The following DPP10 variants were observed in gnomAD, a reference collection of about 807,000 sequenced individuals.
DPP10 encodes dipeptidyl peptidase like 10.
Under a neutral mutation model 120.9 loss-of-function variants are expected in DPP10, and 33 were observed. That is an observed-to-expected ratio of 0.27 (90% CI 0.21 to 0.37). The LOEUF (loss-of-function observed/expected upper bound fraction) is 0.37, where lower values mean the gene tolerates loss of function less well. DPP10 is among the 10% of genes least tolerant of loss of function. DPP10 has a pLI of 1.00. For synonymous variants in DPP10, 337 were observed against 326.1 expected, an observed-to-expected ratio of 1.03 and a Z score of -0.36; for missense variants, 816 against 942.8, an observed-to-expected ratio of 0.87 and a Z score of 1.76.
At chr2:115,016,756 A>G (rs1187987718) in intron 1 of DPP10, among the ~76,000 whole-genome samples, 4 of 151,674 alleles carry the variant, frequency 2.6e-5, no homozygotes, top group African/African-American at 4.8e-5. Flanking sequence ...GAAAAAATGC[A>G]TGTATGTTTA....
chr2:114,773,260 G>A (rs1681431124), intron 1 of DPP10, among the ~76,000 whole-genome samples: 1 of 152,130 alleles, frequency 6.6e-6, no homozygotes, highest in Non-Finnish European at 1.5e-5. Flanking sequence ...TTCGAGGAGT[G>A]ATATGCTTTT....
At chr2:115,366,540 T>C (rs1244302970) in intron 3 of DPP10, among the ~76,000 whole-genome samples, 1 of 152,142 alleles carries the variant, frequency 6.6e-6, no homozygotes, top group Non-Finnish European at 1.5e-5. Flanking sequence ...TAGAAAAATA[T>C]CTAGTCTTCC....
intron 5 of DPP10, among the ~76,000 whole-genome samples, chr2:115,678,641 A>T (rs1279692012): frequency 6.6e-6 from 1 of 152,216 alleles, no homozygotes; most frequent in Non-Finnish European, 1.5e-5. Flanking sequence ...CAGAGTCCCC[A>T]CTAGGGCATT....
chr2:114,986,514 T>A (rs894385952), intron 1 of DPP10, among the ~76,000 whole-genome samples: 5 of 152,182 alleles, frequency 3.3e-5, no homozygotes, highest in African/African-American at 1.2e-4. Context: ...AGTGTAAGAA[T>A]CTTTGCAAAT....
At chr2:115,610,227 C>G (rs951036550) in intron 5 of DPP10, among the ~76,000 whole-genome samples, 1 of 151,966 alleles carries the variant, frequency 6.6e-6, no homozygotes, top group Non-Finnish European at 1.5e-5. Flanking sequence ...GTTCCCCTCA[C>G]CCCCCCATGG....
At chr2:115,164,503 G>A (rs2104998591) in intron 1 of DPP10, among the ~76,000 whole-genome samples, 1 of 152,110 alleles carries the variant, frequency 6.6e-6, no homozygotes, top group African/African-American at 2.4e-5. Context: ...TTTACCTAGT[G>A]GTTAAATAGG....
At chr2:115,757,516 T>A (rs1191741206) in intron 11 of DPP10, among the ~76,000 whole-genome samples, 2 of 152,030 alleles carry the variant, frequency 1.3e-5, no homozygotes, top group Non-Finnish European at 2.9e-5. Flanking sequence ...TTCACTATCA[T>A]GAGAACAGCA....
chr2:115,213,560 C>T (rs925808062), intron 1 of DPP10, among the ~76,000 whole-genome samples: 16 of 152,024 alleles, frequency 1.1e-4, no homozygotes, highest in African/African-American at 3.6e-4. Flanking sequence ...TTTATTTGTT[C>T]CTCTGACACT....
intron 1 of DPP10, among the ~76,000 whole-genome samples, chr2:115,068,381 C>T (rs895973684): frequency 1.3e-5 from 2 of 151,634 alleles, no homozygotes; most frequent in Admixed American, 1.3e-4. Context: ...CTTTTGAGAA[C>T]TGTCTCTTCC....
intron 1 of DPP10, among the ~76,000 whole-genome samples, chr2:114,506,058 G>T (rs185366233): frequency 6.6e-6 from 1 of 152,344 alleles, no homozygotes; most frequent in East Asian, 1.9e-4. Context: ...GGCAGAAGAA[G>T]GCAGGTCCCC....
At chr2:115,658,711 A>G (rs1377674579) in intron 5 of DPP10, among the ~76,000 whole-genome samples, 1 of 152,154 alleles carries the variant, frequency 6.6e-6, no homozygotes, top group East Asian at 1.9e-4. Context: ...TTAAACAAAT[A>G]AAAATGTCTT....
chr2:115,096,378 C>T (rs563743769), intron 1 of DPP10, among the ~76,000 whole-genome samples: 7 of 152,012 alleles, frequency 4.6e-5, no homozygotes, highest in South Asian at 2.1e-4. Flanking sequence ...CGTTGATATG[C>T]GTTCAAGCAA....
intron 5 of DPP10, among the ~76,000 whole-genome samples, chr2:115,619,365 G>A (rs1193164441): frequency 5.9e-5 from 9 of 151,888 alleles, no homozygotes; most frequent in Admixed American, 4.6e-4. Context: ...GTGAGCCATC[G>A]TGCCTGGCCC....
chr2:115,298,308 A>G (rs1454009180), intron 1 of DPP10, among the ~76,000 whole-genome samples: 2 of 152,100 alleles, frequency 1.3e-5, no homozygotes, highest in Non-Finnish European at 2.9e-5. Flanking sequence ...AATGGATTAG[A>G]TCAACCGTGT....
At chr2:115,329,771 C>T (rs1027346131) in intron 2 of DPP10, among the ~76,000 whole-genome samples, 1 of 151,988 alleles carries the variant, frequency 6.6e-6, no homozygotes, top group East Asian at 1.9e-4. Flanking sequence ...TGAACTCATC[C>T]TTTTTTATGG....
At chr2:114,585,062 C>A (rs766898937) in intron 1 of DPP10, among the ~76,000 whole-genome samples, 9 of 152,112 alleles carry the variant, frequency 5.9e-5, no homozygotes, top group Non-Finnish European at 1.2e-4. Context: ...AAACAATGAG[C>A]GTTTATTAGT....
chr2:114,896,489 T>C (rs1387646838), intron 1 of DPP10, among the ~76,000 whole-genome samples: 2 of 152,138 alleles, frequency 1.3e-5, no homozygotes, highest in Non-Finnish European at 2.9e-5. Flanking sequence ...TTTATTCTCT[T>C]TGAAGCAATT....
intron 3 of DPP10, among the ~76,000 whole-genome samples, chr2:115,473,901 AG>A (rs1349728240): frequency 4.6e-5 from 7 of 152,166 alleles, no homozygotes; most frequent in Non-Finnish European, 8.8e-5. Context: ...TGTGGACGAA[AG>A]AGAGAAAGCA....
chr2:115,449,387 G>C (rs2072913892), intron 3 of DPP10, among the ~76,000 whole-genome samples: 1 of 152,040 alleles, frequency 6.6e-6, no homozygotes, highest in Non-Finnish European at 1.5e-5. Context: ...AAAATGAGGA[G>C]TCTAGAGTCT....
Sources: gnomAD v4.1 joint callset for allele counts (sites outside exome capture counted in the v4.1 genomes callset) on GRCh38, gnomAD v4.1.1 for gene constraint, MANE v1.5 for transcripts, NCBI Gene and HGNC (gene_info 2026-07-23, HGNC 2026-07-21) for gene names.